The following CCDC73 variants were observed in gnomAD, a reference collection of about 807,000 sequenced individuals.
The protein encoded by CCDC73 is coiled-coil domain-containing protein 73.
CCDC73 carries 95 observed loss-of-function variants against 116.5 expected under a neutral mutation model. That is an observed-to-expected ratio of 0.82 (90% confidence interval 0.69 to 0.97). The LOEUF is 0.97. CCDC73 is among the 50% of genes least tolerant of loss of function. The pLI is 0.00. For synonymous variants in CCDC73, 398 were observed against 401.3 expected (o/e 0.99, Z 0.10); for missense variants, 1,066 against 1,206.8 (o/e 0.88, Z 1.73).
At chr11:32,773,414 T>G (rs757871438) in intron 1 of CCDC73, among the ~76,000 whole-genome samples, 2 of 152,166 alleles carry the variant, frequency 1.3e-5, no homozygotes, top group African/African-American at 4.8e-5. Context: ...ACACTTTGAA[T>G]GAGTCAACCA....
At chr11:32,716,168 C>T (rs1280791594) in intron 3 of CCDC73, among the ~76,000 whole-genome samples, 2 of 152,146 alleles carry the variant, frequency 1.3e-5, no homozygotes, top group African/African-American at 4.8e-5. Flanking sequence ...CCAGGCAGTT[C>T]TAATTTACAC....
chr11:32,830,545 G>T, the CCDC73 span: 1 of 1,594,422 alleles, frequency 6.3e-7, no homozygotes, highest in East Asian at 2.2e-5. Flanking sequence ...TACGCTTCTG[G>T]TTCTACTCAG....
At chr11:32,641,782 C>A (rs1253007001) in intron 13 of CCDC73, among the ~76,000 whole-genome samples, 190 bp downstream of exon 13, 1 of 150,868 alleles carries the variant, frequency 6.6e-6, no homozygotes, top group East Asian at 1.9e-4. Context: ...TGCATAAAAG[C>A]ATTACAGGGA....
chr11:32,653,260 G>A (rs1031790333), intron 11 of CCDC73, 33 bp from the exon 12 acceptor site: 2 of 1,359,870 alleles, frequency 1.5e-6, no homozygotes, highest in Non-Finnish European at 2.1e-6. Context: ...CAATTTAAAA[G>A]TTTTAAGATA....
chr11:32,619,747 AAGG>A (rs1345706250), intron 14 of CCDC73, among the ~76,000 whole-genome samples: 2 of 151,346 alleles, frequency 1.3e-5, no homozygotes, highest in African/African-American at 2.4e-5. Flanking sequence ...GAAGGAGCAG[AAGG>A]AGGAGGAGGA....
At position 32,602,810 on chromosome 11, in the gene CCDC73, A is replaced by ATTAT. The variant is rs752115352; in HGVS notation, c.3237_3240dup. On this transcript the variant is annotated 3_prime_UTR_variant, in exon 18 of 18. Coordinates refer to ENST00000335185, the MANE Select transcript of CCDC73 (RefSeq NM_001008391.4). ...TTCACTACTGAAAGCACTTATCTAC[A>ATTAT]TTATTTTAATCTGTTGTTTTTTTCC... The ATTAT allele has an allele frequency of 1.9e-6, 3 of 1,569,222 alleles. 1 individual carries two copies. Among genetic ancestry groups the ATTAT allele is most frequent in the South Asian group, 2.3e-5 (2 of 85,532 alleles).
intron 1 of CCDC73, among the ~76,000 whole-genome samples, chr11:32,788,988 T>C (rs1850650460): frequency 6.6e-6 from 1 of 152,218 alleles, no homozygotes; most frequent in Non-Finnish European, 1.5e-5. Context: ...TTAATTTTTA[T>C]ATTGTTAACT....
chr11:32,680,869 T>C (rs1856137334), intron 7 of CCDC73: 2 of 152,012 alleles, frequency 1.3e-5, no homozygotes, highest in African/African-American at 4.8e-5. Context: ...GTTATAAAAC[T>C]CAATTTTCAA....
intron 2 of CCDC73, among the ~76,000 whole-genome samples, chr11:32,745,336 T>G (rs1850226468): frequency 6.6e-6 from 1 of 152,206 alleles, no homozygotes; most frequent in East Asian, 1.9e-4. Context: ...ATGTGGTCAA[T>G]TTTAGAATAA....
chr11:32,709,419 C>A (rs563748858), intron 3 of CCDC73, among the ~76,000 whole-genome samples: 1 of 152,302 alleles, frequency 6.6e-6, no homozygotes, highest in East Asian at 1.9e-4. Flanking sequence ...GTCTCAGCCT[C>A]CTGAGTAGCT....
intron 13 of CCDC73, among the ~76,000 whole-genome samples, chr11:32,640,188 T>G (rs1169155765): frequency 2.0e-5 from 3 of 152,220 alleles, no homozygotes. Flanking sequence ...CTTACTTATC[T>G]ATATTCTGTT....
chr11:32,684,873 G>A (rs191719898), intron 6 of CCDC73, among the ~76,000 whole-genome samples: 1 of 151,898 alleles, frequency 6.6e-6, no homozygotes, highest in Non-Finnish European at 1.5e-5. Context: ...CCAGCTACTC[G>A]GGAGGCTGAG....
chr11:32,702,786 T>G (rs1414043468), intron 4 of CCDC73, 87 bp downstream of exon 4: 1 of 911,720 alleles, frequency 1.1e-6, no homozygotes, highest in Non-Finnish European at 1.8e-6. Context: ...TTGGTGACTA[T>G]GGAGAACAGC....
the CCDC73 span, among the ~76,000 whole-genome samples, chr11:32,810,085 T>C: frequency 6.6e-6 from 1 of 152,230 alleles, no homozygotes; most frequent in Admixed American, 6.5e-5. Context: ...AGTTAACTTT[T>C]AAACTTTTTA....
At chr11:32,656,033 C>A (rs994118519) in intron 9 of CCDC73, among the ~76,000 whole-genome samples, 2 of 151,756 alleles carry the variant, frequency 1.3e-5, no homozygotes, top group East Asian at 1.9e-4. Flanking sequence ...TAGTACCTGG[C>A]ATCTTTGCTT....
chr11:32,753,939 T>C (rs995860038), intron 2 of CCDC73, among the ~76,000 whole-genome samples: 1 of 152,144 alleles, frequency 6.6e-6, no homozygotes, highest in Non-Finnish European at 1.5e-5. Flanking sequence ...GTATAAGGTA[T>C]GTATGAATGC....
At chr11:32,653,886 TA>T in intron 11 of CCDC73, 91 bp downstream of exon 11, 1 of 1,375,258 alleles carries the variant, frequency 7.3e-7, no homozygotes, top group Non-Finnish European at 9.8e-7. Flanking sequence ...ACTGAGTGCC[TA>T]CTATGTGCTA....
intron 13 of CCDC73, among the ~76,000 whole-genome samples, chr11:32,640,071 T>G (rs1258428199): frequency 6.6e-6 from 1 of 152,174 alleles, no homozygotes; most frequent in Non-Finnish European, 1.5e-5. Context: ...CACACTACTA[T>G]TGCCCTTCAC....
chr11:32,821,296 CTA>C, the CCDC73 span, among the ~76,000 whole-genome samples: 2 of 152,102 alleles, frequency 1.3e-5, no homozygotes, highest in African/African-American at 4.8e-5. Flanking sequence ...ACAACAGACT[CTA>C]TACAAAGAAA....
Sources: allele counts gnomAD v4.1 joint callset (sites outside exome capture counted in the v4.1 genomes callset), GRCh38; gene constraint gnomAD v4.1.1; transcripts MANE v1.5; gene names NCBI Gene and HGNC (gene_info 2026-07-23, HGNC 2026-07-21).